Variants in CLCN3 observed in about 807,000 individuals in gnomAD.
CLCN3 encodes the protein H(+)/Cl(-) exchange transporter 3.
In CLCN3, 16 loss-of-function variants were observed where a neutral mutation model predicts 83.4. The ratio of observed to expected loss-of-function variants is 0.19; its 90% CI spans 0.13 to 0.29. The LOEUF is 0.29. CLCN3 is among the 10% of genes least tolerant of loss of function. The pLI is 1.00. For synonymous variants in CLCN3, 322 were observed against 346.2 expected (o/e 0.93, Z 0.78); for missense variants, 544 against 1,006.0 (o/e 0.54, Z 6.21).
chr4:169,653,552 A>T (rs1730794354), intron 2 of CLCN3, among the ~76,000 whole-genome samples: 1 of 150,310 alleles, frequency 6.7e-6, no homozygotes, highest in South Asian at 2.1e-4. Flanking sequence ...GAGGCAGGAG[A>T]ATCACTTGAA....
rs999740517 is a variant in CLCN3, at chr4:169,702,792, A to G, written c.1564-1206A>G. On this transcript the variant is annotated intron_variant, in intron 9 of 12. Coordinates refer to ENST00000513761, the MANE Select transcript of CLCN3 (RefSeq NM_001829.4). ...CCCATCTCTACAAAAAAAAAAAAAA[A>G]AAAAAGAAAGCCAGGTGTGGTGGTG... 8.5e-5 allele frequency: 25 copies of G among 295,600 alleles called. No homozygotes were observed. In the East Asian group the frequency reaches 1.9e-3, roughly 22 times the overall value. The allele number at this position is 295,600 out of a possible 1,614,324, so 18.3% of individuals were successfully genotyped here. A position where few individuals can be genotyped will look rare whatever the true frequency, so the allele number is the denominator to read the frequency against.
intron 2 of CLCN3, among the ~76,000 whole-genome samples, chr4:169,644,096 T>C (rs1241679449): frequency 6.6e-6 from 1 of 152,208 alleles, no homozygotes; most frequent in African/African-American, 2.4e-5. Context: ...GCGAAAGTGT[T>C]CTGTTCGTTC....
chr4:169,639,866 G>A (rs532821127), intron 2 of CLCN3, among the ~76,000 whole-genome samples: 23 of 152,270 alleles, frequency 1.5e-4, no homozygotes, highest in Non-Finnish European at 3.2e-4. Context: ...TTGAATATGT[G>A]TTGAATGAAA....
chr4:169,718,444 C>A (rs550962303), intron 12 of CLCN3, among the ~76,000 whole-genome samples: 5 of 152,024 alleles, frequency 3.3e-5, no homozygotes, highest in Non-Finnish European at 5.9e-5. Context: ...TTCTGCTATA[C>A]CCTGCATATC....
chr4:169,687,807 C>T, intron 4 of CLCN3, 50 bp downstream of exon 4: 3 of 958,686 alleles, frequency 3.1e-6, no homozygotes, highest in Non-Finnish European at 3.1e-6. Context: ...GAAGTATAAA[C>T]TGTTCTTCCC....
At chr4:169,641,508 T>G (rs891646114) in intron 2 of CLCN3, among the ~76,000 whole-genome samples, 1 of 152,200 alleles carries the variant, frequency 6.6e-6, no homozygotes, top group Admixed American at 6.5e-5. Flanking sequence ...TGCTAAAACT[T>G]AAGCTACCTT....
At chr4:169,629,178 TG>T (rs1773305429) in intron 1 of CLCN3, among the ~76,000 whole-genome samples, 1 of 47,280 alleles carries the variant, frequency 2.1e-5, no homozygotes, top group Non-Finnish European at 6.3e-5. Flanking sequence ...TGGAATATTC[TG>T]TATCTTGACT....
chr4:169,652,619 G>A (rs1247758714), intron 2 of CLCN3, among the ~76,000 whole-genome samples: 5 of 152,160 alleles, frequency 3.3e-5, no homozygotes, highest in African/African-American at 1.2e-4. Flanking sequence ...TACTTGTGTG[G>A]TACTTAGGTC....
At position 169,689,180 on chromosome 4, in the gene CLCN3, A is replaced by G; in HGVS notation, c.556A>G (p.Lys186Glu). 2 of 1,613,996 alleles carry G rather than the reference A, an allele frequency of 1.2e-6. No individual in the cohort carries two copies. The highest frequency in any genetic ancestry group is 1.7e-6 in the Non-Finnish European group (2 of 1,179,948). The change falls in exon 5 of 13, where the codon AAA (lysine) becomes GAA (glutamate). Residue 186 changes from lysine (K) to glutamate (E), a missense_variant. By Grantham distance (56) the Lys-to-Glu change is moderately conservative. This residue lies in a region of CLCN3 where 96 missense variants were observed against 202.1 expected (regional missense o/e 0.48). Transcript: ENST00000513761. Reference sequence around the variant, plus strand: ...TGAAACAACATTTGAAGAGAGGGATAAATGTCCACAGTGGAAAACATGGGC... The same window carrying G: ...TGAAACAACATTTGAAGAGAGGGATGAATGTCCACAGTGGAAAACATGGGC... Reference protein sequence around the residue: ...SNETTFEERDKCPQWKTWAEL... With the variant: ...SNETTFEERDECPQWKTWAEL...
At chr4:169,651,987 A>C (rs1380040205) in intron 2 of CLCN3, among the ~76,000 whole-genome samples, 1 of 152,168 alleles carries the variant, frequency 6.6e-6, no homozygotes, top group Non-Finnish European at 1.5e-5. Context: ...AGAAATCCAC[A>C]TTAGATATTA....
intron 10 of CLCN3, 46 bp from the exon 11 acceptor site, chr4:169,706,821 GA>G: frequency 6.6e-7 from 1 of 1,516,406 alleles, no homozygotes; most frequent in South Asian, 1.2e-5. Context: ...AAAATGTAAT[GA>G]TGAGGATCCT....
At chr4:169,680,924 C>T (rs183672249) in intron 3 of CLCN3, among the ~76,000 whole-genome samples, 63 of 152,332 alleles carry the variant, frequency 4.1e-4, no homozygotes, top group Admixed American at 3.9e-3. Context: ...TATTGGCTCA[C>T]TGCACCCTCC....
chr4:169,713,436 ATCAG>A, intron 12 of CLCN3, 141 bp downstream of exon 12: 1 of 620,448 alleles, frequency 1.6e-6, no homozygotes, highest in South Asian at 2.0e-5. Flanking sequence ...CAAATATAGG[ATCAG>A]TCAATCAAAT....
At chr4:169,636,751 T>TTTC (rs1773514483) in intron 2 of CLCN3, among the ~76,000 whole-genome samples, 1 of 149,440 alleles carries the variant, frequency 6.7e-6, no homozygotes, top group African/African-American at 2.5e-5. Flanking sequence ...TTTTTTTTTT[T>TTTC]CATATTTTGG....
intron 4 of CLCN3, among the ~76,000 whole-genome samples, chr4:169,688,325 C>G (rs1006394085): frequency 6.6e-6 from 1 of 152,140 alleles, no homozygotes; most frequent in Non-Finnish European, 1.5e-5. Context: ...CCACAAAGTC[C>G]CAATGTGTGA....
intron 1 of CLCN3, among the ~76,000 whole-genome samples, chr4:169,627,373 T>C (rs1463465536): frequency 1.3e-5 from 2 of 152,192 alleles, no homozygotes; most frequent in Non-Finnish European, 2.9e-5. Flanking sequence ...TTACGGACTG[T>C]GTGCCAGCCA....
At chr4:169,717,694 T>C (rs1733477167) in intron 12 of CLCN3, 2 of 726,036 alleles carry the variant, frequency 2.8e-6, no homozygotes, top group Non-Finnish European at 4.6e-6. Flanking sequence ...ATTCTTATGG[T>C]TCATGTTTTT....
chr4:169,634,656 A>G (rs1325456914), intron 1 of CLCN3, among the ~76,000 whole-genome samples: 1 of 152,128 alleles, frequency 6.6e-6, no homozygotes. Flanking sequence ...TAATTTGCTA[A>G]TTTTGGTTAT....
At chr4:169,705,333 A>G (rs1732949335) in intron 10 of CLCN3, among the ~76,000 whole-genome samples, 1 of 152,208 alleles carries the variant, frequency 6.6e-6, no homozygotes, top group Non-Finnish European at 1.5e-5. Flanking sequence ...AAGTTGGATT[A>G]GTGAGAAGGA....
Sources: allele counts gnomAD v4.1 joint callset (sites outside exome capture counted in the v4.1 genomes callset), GRCh38; gene constraint gnomAD v4.1.1; regional missense constraint gnomAD v4.1.1; transcripts MANE v1.5; gene names NCBI Gene and HGNC (gene_info 2026-07-23, HGNC 2026-07-21).